SYNPO2: variants seen among roughly 807,000 people sequenced by gnomAD.
SYNPO2 encodes synaptopodin-2.
A neutral mutation model predicts 85.0 loss-of-function variants in SYNPO2; 56 were observed. The ratio of observed to expected loss-of-function variants is 0.66; its 90% confidence interval spans 0.53 to 0.82. SYNPO2 has a LOEUF of 0.82. Among genes scored for constraint, SYNPO2 ranks in the 40% least tolerant of loss-of-function variants. The pLI is 0.00. For synonymous variants in SYNPO2, 602 were observed against 591.1 expected, an observed-to-expected ratio of 1.02 and a Z score of -0.27; for missense variants, 1,575 against 1,534.2, an observed-to-expected ratio of 1.03 and a Z score of -0.44.
intron 1 of SYNPO2, among the ~76,000 whole-genome samples, chr4:118,922,257 C>T (rs1733566238): frequency 6.6e-6 from 1 of 151,902 alleles, no homozygotes. Flanking sequence ...ATTATCGATT[C>T]GAATCAGGTG....
chr4:119,027,441 A>G lies in SYNPO2; in HGVS notation c.1069+3A>G, dbSNP rs1738018071. 3 of 1,580,112 alleles carry G rather than the reference A, an allele frequency of 1.9e-6. No homozygotes were observed. Among genetic ancestry groups the G allele is most frequent in the Non-Finnish European group, 2.6e-6 (3 of 1,157,364 alleles). ...CAAGCACCGAGCGCGGCATGCACGT[A>G]AGTTCTGCCTGGGCTTTCAGAAGGG... is the stretch of plus-strand genomic sequence containing the variant. On this transcript the variant is annotated splice_donor_region_variant and intron_variant, in intron 3 of 4. Coordinates refer to ENST00000307142, the MANE Select transcript of SYNPO2 (RefSeq NM_133477.3).
At chr4:118,988,899 G>C (rs1423786200) in intron 1 of SYNPO2, among the ~76,000 whole-genome samples, 1 of 152,108 alleles carries the variant, frequency 6.6e-6, no homozygotes, top group Non-Finnish European at 1.5e-5. Flanking sequence ...TCCACATCTT[G>C]ACAGAAGGCT....
At chr4:119,014,587 C>A in intron 1 of SYNPO2, among the ~76,000 whole-genome samples, 1 of 152,032 alleles carries the variant, frequency 6.6e-6, no homozygotes, top group East Asian at 1.9e-4. Flanking sequence ...TTTTTGATAT[C>A]TAACATGGTA....
chr4:118,999,625 G>C (rs372036939), intron 1 of SYNPO2, among the ~76,000 whole-genome samples: 2 of 152,024 alleles, frequency 1.3e-5, no homozygotes, highest in Non-Finnish European at 2.9e-5. Context: ...GTAGAGATGG[G>C]GTCTTGCTAT....
At chr4:118,966,544 A>G (rs975912209) in intron 1 of SYNPO2, among the ~76,000 whole-genome samples, 1 of 152,174 alleles carries the variant, frequency 6.6e-6, no homozygotes, top group African/African-American at 2.4e-5. Flanking sequence ...TTTGGTCAAG[A>G]TCCTAAATTG....
chr4:118,955,517 T>C (rs1311569528), intron 1 of SYNPO2, among the ~76,000 whole-genome samples: 2 of 152,148 alleles, frequency 1.3e-5, no homozygotes, highest in African/African-American at 2.4e-5. Flanking sequence ...GGAAGATTCT[T>C]AGGAAGAAAA....
intron 1 of SYNPO2, among the ~76,000 whole-genome samples, chr4:118,999,919 A>G (rs150590757): frequency 1.3e-5 from 2 of 152,352 alleles, no homozygotes; most frequent in African/African-American, 4.8e-5. Flanking sequence ...TATTTGCCCA[A>G]GAAGTCATTT....
chr4:118,975,728 A>C (rs1735699322), intron 1 of SYNPO2, among the ~76,000 whole-genome samples: 1 of 152,152 alleles, frequency 6.6e-6, no homozygotes, highest in African/African-American at 2.4e-5. Flanking sequence ...CAAAACTTGG[A>C]CTCTGGATCA....
chr4:118,973,738 C>G (rs1411813442), intron 1 of SYNPO2, among the ~76,000 whole-genome samples: 1 of 152,176 alleles, frequency 6.6e-6, no homozygotes, highest in Non-Finnish European at 1.5e-5. Context: ...TCTTTCCTTT[C>G]ATTTTCCTAA....
chr4:118,854,589 A>G (rs894477926), intron 1 of SYNPO2, among the ~76,000 whole-genome samples: 8 of 152,216 alleles, frequency 5.3e-5, no homozygotes, highest in Non-Finnish European at 1.2e-4. Flanking sequence ...AGCATTGAAG[A>G]TAAAATTATT....
chr4:118,955,910 A>C (rs1734859286), intron 1 of SYNPO2, among the ~76,000 whole-genome samples: 2 of 152,216 alleles, frequency 1.3e-5, no homozygotes, highest in Admixed American at 1.3e-4. Context: ...CTTACCTGGA[A>C]GTTGGTGCAT....
rs183605750 is a variant in SYNPO2, at chr4:119,019,525, G to A, written c.106-3905G>A. Reference sequence around the variant, plus strand: ...AACACATTGAGTCATAATATTGTCTGTTTTAATTTTTAAAAATATTTTATA... The same window carrying A: ...AACACATTGAGTCATAATATTGTCTATTTTAATTTTTAAAAATATTTTATA... On this transcript the variant is annotated intron_variant, in intron 1 of 4. Coordinates refer to ENST00000307142, the MANE Select transcript of SYNPO2 (RefSeq NM_133477.3). Among the ~76,000 whole-genome samples the A allele has an allele frequency of 2.0e-4, 30 of 151,750 alleles. 1 individual carries two copies. Among genetic ancestry groups the A allele is most frequent in the African/African-American group, 6.3e-4 (26 of 41,538 alleles).
chr4:119,054,030 A>C (rs1739132170), intron 4 of SYNPO2, among the ~76,000 whole-genome samples: 1 of 152,208 alleles, frequency 6.6e-6, no homozygotes, highest in African/African-American at 2.4e-5. Flanking sequence ...TAATTGATGC[A>C]GGATTTTTTT....
chr4:118,931,659 A>C (rs1411497180), intron 1 of SYNPO2, among the ~76,000 whole-genome samples: 1 of 152,194 alleles, frequency 6.6e-6, no homozygotes. Flanking sequence ...AAAATTATGT[A>C]AGCAAATCAG....
At chr4:119,017,030 G>C (rs1161427349) in intron 1 of SYNPO2, among the ~76,000 whole-genome samples, 2 of 152,066 alleles carry the variant, frequency 1.3e-5, no homozygotes, top group Non-Finnish European at 2.9e-5. Context: ...TTTTTGTCTG[G>C]ATATATCTTG....
rs1731629205 is a variant in SYNPO2, at chr4:118,862,595, T to C, written c.12+11655T>C. ...TCAATTGAAATGATCATATTATTTTTATCCTTCATTCTGCTGATATGATAT... is the reference window on the plus strand; with the variant it reads ...TCAATTGAAATGATCATATTATTTTCATCCTTCATTCTGCTGATATGATAT... On this transcript the variant is annotated intron_variant, in intron 1 of 4. Coordinates refer to the SYNPO2 transcript ENST00000610556. Among the ~76,000 whole-genome samples the C allele has an allele frequency of 3.3e-5, 5 of 152,222 alleles. No homozygotes were observed. In the South Asian group the frequency reaches 1.0e-3, roughly 32 times the overall value.
At chr4:119,051,189 T>TTTTTG (rs1739027591) in intron 4 of SYNPO2, among the ~76,000 whole-genome samples, 7 of 134,408 alleles carry the variant, frequency 5.2e-5, no homozygotes, top group Non-Finnish European at 8.0e-5. Context: ...GGAAGCAATT[T>TTTTTG]TTTTTTTTTT....
chr4:119,049,048 A>G (rs1380162), intron 4 of SYNPO2, among the ~76,000 whole-genome samples: 107,751 of 152,020 alleles, frequency 0.71, 38,459 homozygotes, highest in East Asian at 0.85. Context: ...AGAATTTGTG[A>G]TAGCTTAGTC....
In SYNPO2 at chr4:119,023,409, T is replaced by C. The variant is rs758857069; in HGVS notation, c.106-21T>C. ...ACAAATTATATCATTCTACTATGTC[T>C]TCTTTTTTTACTCCACTCAGATTCG... On this transcript the variant is annotated intron_variant, in intron 1 of 4. Coordinates refer to ENST00000307142, the MANE Select transcript of SYNPO2 (RefSeq NM_133477.3). 36 of 1,589,552 alleles carry C rather than the reference T, an allele frequency of 2.3e-5. No homozygotes were observed. In the Admixed American group the frequency reaches 6.5e-4, roughly 29 times the overall value.
Sources: gnomAD v4.1 joint callset for allele counts (sites outside exome capture counted in the v4.1 genomes callset) on GRCh38, gnomAD v4.1.1 for gene constraint, MANE v1.5 for transcripts, NCBI Gene and HGNC (gene_info 2026-07-23, HGNC 2026-07-21) for gene names.